The following BANF2 variants were observed in gnomAD, a reference collection of about 807,000 sequenced individuals.
BANF2 encodes the protein BANF family member 2, also known as barrier-to-autointegration factor-like protein.
A neutral mutation model predicts 8.0 loss-of-function variants in BANF2; 4 were observed. The observed-to-expected ratio is 0.50, with a 90% CI of 0.25 to 1.14. The LOEUF (loss-of-function observed/expected upper bound fraction) is 1.14, where lower values mean the gene tolerates loss of function less well. BANF2 is among the 50% of genes most tolerant of loss of function. The pLI, the probability that BANF2 is intolerant of heterozygous loss-of-function variation, is 0.16. For synonymous variants in BANF2, 50 were observed against 40.6 expected (o/e 1.23, Z -0.88); for missense variants, 96 against 107.5 (o/e 0.89, Z 0.47).
chr20:17,730,400 G>A (rs1205183080), intron 3 of BANF2, among the ~76,000 whole-genome samples: 3 of 152,234 alleles, frequency 2.0e-5, no homozygotes, highest in South Asian at 2.1e-4. Context: ...TGCTTCTCGC[G>A]CGGCTTCTCT....
intron 1 of BANF2, chr20:17,693,777 A>C: frequency 6.6e-7 from 1 of 1,514,090 alleles, no homozygotes; most frequent in Non-Finnish European, 9.0e-7. Flanking sequence ...GCAAGGACAA[A>C]TCACCTGGCT....
intron 1 of BANF2, among the ~76,000 whole-genome samples, chr20:17,707,791 G>C (rs935019444): frequency 3.3e-5 from 5 of 151,736 alleles, no homozygotes; most frequent in African/African-American, 1.2e-4. Context: ...TGTTACTCAG[G>C]CTGGTCTCGA....
chr20:17,718,640 C>A, intron 1 of BANF2, among the ~76,000 whole-genome samples: 1 of 152,168 alleles, frequency 6.6e-6, no homozygotes, highest in Non-Finnish European at 1.5e-5. Flanking sequence ...CCCCATTTAT[C>A]TGATAGTGGG....
intron 1 of BANF2, among the ~76,000 whole-genome samples, chr20:17,701,513 G>A (rs900596526): frequency 1.3e-5 from 2 of 152,216 alleles, no homozygotes; most frequent in Admixed American, 6.5e-5. Context: ...GCTTTGCAAG[G>A]CAGCAAGAGT....
At chr20:17,699,846 C>A, upstream of BANF2, 1 of 266,680 alleles carries the variant, frequency 3.7e-6, no homozygotes, top group Non-Finnish European at 5.8e-6. Flanking sequence ...TGCTCCTGCC[C>A]TGCCCTGTGC....
chr20:17,735,128 GA>G (rs200428742), intron 3 of BANF2, among the ~76,000 whole-genome samples: 2,663 of 152,166 alleles, frequency 0.018, 99 homozygotes, highest in African/African-American at 0.061. Flanking sequence ...GAAAAGAGAA[GA>G]AAAGAAAAGA....
intron 1 of BANF2, among the ~76,000 whole-genome samples, chr20:17,700,859 A>T (rs2037397772): frequency 6.6e-6 from 1 of 152,186 alleles, no homozygotes; most frequent in African/African-American, 2.4e-5. Flanking sequence ...ACCATGGCCC[A>T]TTCGTGTTTT....
chr20:17,732,500 G>A (rs1045524212), intron 3 of BANF2, among the ~76,000 whole-genome samples: 1 of 152,180 alleles, frequency 6.6e-6, no homozygotes, highest in East Asian at 1.9e-4. Flanking sequence ...GGGATTACAC[G>A]CGGCTGCCAC....
chr20:17,708,489 G>A (rs1283529967), intron 1 of BANF2, among the ~76,000 whole-genome samples: 2 of 152,090 alleles, frequency 1.3e-5, no homozygotes, highest in African/African-American at 2.4e-5. Flanking sequence ...ACTCAGAAGA[G>A]CCAGTCACAT....
At chr20:17,708,227 C>A (rs896160209) in intron 1 of BANF2, among the ~76,000 whole-genome samples, 9 of 151,612 alleles carry the variant, frequency 5.9e-5, no homozygotes, top group Admixed American at 5.3e-4. Context: ...ATGTCTCGAA[C>A]AAAAACAAAA....
intron 1 of BANF2, among the ~76,000 whole-genome samples, chr20:17,705,619 G>A (rs2037471001): frequency 6.6e-6 from 1 of 152,244 alleles, no homozygotes; most frequent in South Asian, 2.1e-4. Context: ...AAATAGGCTG[G>A]TGTACATTGT....
At chr20:17,716,313 T>C (rs1222298747) in intron 1 of BANF2, among the ~76,000 whole-genome samples, 1 of 152,158 alleles carries the variant, frequency 6.6e-6, no homozygotes, top group Non-Finnish European at 1.5e-5. Context: ...TTCAGTGTTA[T>C]AGGAAGGTTA....
chr20:17,702,307 G>A (rs1484319342), intron 1 of BANF2, among the ~76,000 whole-genome samples: 1 of 152,176 alleles, frequency 6.6e-6, no homozygotes, highest in Non-Finnish European at 1.5e-5. Context: ...CTGTGGGCCC[G>A]CCTGTTTCAC....
At chr20:17,701,687 C>T (rs572592985) in intron 1 of BANF2, among the ~76,000 whole-genome samples, 3 of 152,168 alleles carry the variant, frequency 2.0e-5, no homozygotes, top group East Asian at 1.9e-4. Context: ...AGGTGGGTCA[C>T]GCCTTAAGGA....
intron 1 of BANF2, among the ~76,000 whole-genome samples, chr20:17,717,219 C>A (rs74181977): frequency 0.1 from 15,164 of 152,058 alleles, 920 homozygotes; most frequent in East Asian, 0.16. Context: ...TCACTGTAGA[C>A]CGAAGGCACA....
chr20:17,707,110 G>A (rs1367188448), intron 1 of BANF2, among the ~76,000 whole-genome samples: 2 of 152,128 alleles, frequency 1.3e-5, no homozygotes, highest in Non-Finnish European at 2.9e-5. Flanking sequence ...CCAGCCGGGC[G>A]CAGTGGCTCA....
rs549171501 is a variant in BANF2 at position 17,734,915 on chromosome 20, C to T, written c.127-750C>T. Among the ~76,000 whole-genome samples the T allele has an allele frequency of 5.9e-5, 9 of 152,106 alleles. No homozygotes were observed. In the South Asian group the frequency reaches 1.0e-3, roughly 18 times the overall value. On this transcript the variant is annotated intron_variant, in intron 3 of 3. Coordinates refer to ENST00000246090, the MANE Select transcript of BANF2 (RefSeq NM_178477.5). ...CAGCCTGGACAACATGGCAAAACCC[C>T]GTCTCTACTAAAAATATGAAAATTA...
At chr20:17,698,403 C>T (rs983880259), upstream of BANF2, among the ~76,000 whole-genome samples, 7 of 152,218 alleles carry the variant, frequency 4.6e-5, no homozygotes, top group South Asian at 1.2e-3. Context: ...GCCAATTAAA[C>T]CTCTTTTCTG....
chr20:17,716,841 C>CAAAAAA (rs36007590), intron 1 of BANF2, among the ~76,000 whole-genome samples: 11 of 89,694 alleles, frequency 1.2e-4, no homozygotes, highest in Non-Finnish European at 1.4e-4. Flanking sequence ...GACTCCATCT[C>CAAAAAA]AAAAAAAAAA....
Sources: allele counts gnomAD v4.1 joint callset (sites outside exome capture counted in the v4.1 genomes callset), GRCh38; gene constraint gnomAD v4.1.1; transcripts MANE v1.5; gene names NCBI Gene and HGNC (gene_info 2026-07-23, HGNC 2026-07-21).